Variants in MASP2 observed in about 807,000 individuals in gnomAD.
MASP2 encodes the protein mannan-binding lectin serine protease 2.
MASP2 carries 49 observed loss-of-function variants against 57.1 expected under a neutral mutation model. That is an observed-to-expected ratio of 0.86 (90% confidence interval 0.68 to 1.09). The LOEUF is 1.09. Ranked by LOEUF, MASP2 falls within the 50% of genes least tolerant of loss-of-function variation. The probability of loss-of-function intolerance (pLI) is 0.00; values close to 1 mark genes in which losing one functional copy is unlikely to be tolerated. For missense variants in MASP2, 900 were observed against 874.8 expected, an observed-to-expected ratio of 1.03 and a Z score of -0.36; for synonymous variants, 379 against 340.8, an observed-to-expected ratio of 1.11 and a Z score of -1.24.
At chr1:11,043,096 T>G in intron 5 of MASP2, 74 bp from the exon 6 acceptor site, 1 of 1,517,530 alleles carries the variant, frequency 6.6e-7, no homozygotes, top group Non-Finnish European at 9.0e-7. Flanking sequence ...GTAACCCACC[T>G]CCTCAGCATT....
At chr1:11,032,606 G>A (rs1213957896) in intron 8 of MASP2, among the ~76,000 whole-genome samples, 8 of 121,576 alleles carry the variant, frequency 6.6e-5, no homozygotes, top group Non-Finnish European at 1.1e-4. Context: ...ATGAGACCCC[G>A]TCAAAAAAAA....
At chr1:11,029,250 T>A (rs988951525) in intron 10 of MASP2, among the ~76,000 whole-genome samples, 1 of 152,008 alleles carries the variant, frequency 6.6e-6, no homozygotes, top group Non-Finnish European at 1.5e-5. Flanking sequence ...TCTTTCCGCC[T>A]TGGCCTCCCA....
intron 6 of MASP2, among the ~76,000 whole-genome samples, chr1:11,039,749 T>C (rs145408892): frequency 1.2e-4 from 17 of 147,126 alleles, no homozygotes; most frequent in Non-Finnish European, 2.2e-4. Context: ...GATGGATGGA[T>C]AGATAGAAGG....
chr1:11,031,251 C>T (rs1252741297), intron 8 of MASP2, among the ~76,000 whole-genome samples: 3 of 150,860 alleles, frequency 2.0e-5, no homozygotes, highest in South Asian at 2.1e-4. Flanking sequence ...CGGCCGGGCG[C>T]GATGGCTCAT....
chr1:11,035,233 T>C (rs1484791730), intron 7 of MASP2, among the ~76,000 whole-genome samples: 2 of 152,094 alleles, frequency 1.3e-5, no homozygotes, highest in African/African-American at 2.4e-5. Flanking sequence ...CAAAAACATA[T>C]CAGATCTCAG....
At chr1:11,043,909 C>T (rs143049383) in intron 4 of MASP2, among the ~76,000 whole-genome samples, 213 of 147,642 alleles carry the variant, frequency 1.4e-3, no homozygotes, top group African/African-American at 5.3e-3. Context: ...CAGGCTCTGC[C>T]GGGGCGGGGG....
At chr1:11,045,629 G>C (rs1638615467) in intron 3 of MASP2, 90 bp from the exon 4 acceptor site, 2 of 1,429,280 alleles carry the variant, frequency 1.4e-6, no homozygotes, top group Non-Finnish European at 1.9e-6. Context: ...TGACCTCAGA[G>C]TGGACCTCAG....
chr1:11,034,081 T>C (rs1358417118), intron 8 of MASP2, among the ~76,000 whole-genome samples: 1 of 150,718 alleles, frequency 6.6e-6, no homozygotes, highest in Non-Finnish European at 1.5e-5. Context: ...CTACTAAAAA[T>C]ACAAAAATTA....
intron 7 of MASP2, among the ~76,000 whole-genome samples, chr1:11,036,878 T>A (rs1638257413): frequency 6.6e-6 from 1 of 152,130 alleles, no homozygotes; most frequent in Non-Finnish European, 1.5e-5. Flanking sequence ...TGTCTACTTT[T>A]TTGTGGGCCC....
intron 10 of MASP2, among the ~76,000 whole-genome samples, chr1:11,029,442 G>A (rs979592718): frequency 7.9e-5 from 12 of 151,280 alleles, no homozygotes; most frequent in African/African-American, 2.9e-4. Context: ...TATCTTTGGA[G>A]CCAATTCTGG....
chr1:11,044,946 G>C, intron 4 of MASP2: 1 of 1,609,934 alleles, frequency 6.2e-7, no homozygotes, highest in Non-Finnish European at 8.5e-7. Flanking sequence ...GAGGCTAGAG[G>C]CTCTGCTCTG....
chr1:11,028,466 AC>A (rs1643777142), intron 10 of MASP2, among the ~76,000 whole-genome samples: 2 of 152,130 alleles, frequency 1.3e-5, no homozygotes, highest in African/African-American at 4.8e-5. Flanking sequence ...TGTGGCTAGG[AC>A]CCTGTGGATT....
In MASP2 at chr1:11,026,925, TTAA is replaced by T; in HGVS notation, c.2018_2020del (p.Ile673del). 6.6e-7 allele frequency: 1 copy of T among 1,506,328 alleles called. No homozygotes were observed. The highest frequency in any genetic ancestry group is 8.9e-7 in the Non-Finnish European group (1 of 1,128,728). The allele number at this position is 1,506,328 out of a possible 1,614,324, so 93.3% of individuals were successfully genotyped here. ...TATGTTCTCGATCCAGGGAATATAG[TTAA>T]TAACTTTTGTGTAGACTCCATACTG... On this transcript the variant is annotated inframe_deletion, in exon 11 of 11. Coordinates refer to ENST00000400897, the MANE Select transcript of MASP2 (RefSeq NM_006610.4).
In MASP2 at chr1:11,030,161, A is replaced by G; in HGVS notation, c.1297+15T>C. 1 of 1,591,984 alleles carries G rather than the reference A, an allele frequency of 6.3e-7. No homozygotes were observed. Among genetic ancestry groups the G allele is most frequent in the Non-Finnish European group, 8.6e-7 (1 of 1,161,182 alleles). On this transcript the variant is annotated intron_variant, in intron 10 of 10. Coordinates refer to ENST00000400897, the MANE Select transcript of MASP2 (RefSeq NM_006610.4). ...TCCATCAATTACCAGTCTCTTGTAT[A>G]AATGTATCCATTACCAGGCTCACAG... is the stretch of plus-strand genomic sequence containing the variant.
At chr1:11,040,957 AGATGGATG>A (rs757808259) in intron 6 of MASP2, among the ~76,000 whole-genome samples, 3 of 146,704 alleles carry the variant, frequency 2.0e-5, no homozygotes, top group Non-Finnish European at 3.0e-5. Flanking sequence ...ATAGCTGGAA[AGATGGATG>A]GATGGATGGA....
In MASP2 at chr1:11,026,973, A is replaced by G. The variant is rs1643743935; in HGVS notation, c.1973T>C (p.Met658Thr). The G allele has an allele frequency of 1.3e-6, 2 of 1,566,518 alleles. No individual in the cohort carries two copies. Among genetic ancestry groups the G allele is most frequent in the Non-Finnish European group, 1.7e-6 (2 of 1,159,944 alleles). ...FVGGIVSWGS[M>T]NCGEAGQYGV... Reference sequence around the variant, plus strand: ...ATACTGACCTGCTTCCCCACAATTCATGGAACCCCAGGACACTATTCCTCC... The same window carrying G: ...ATACTGACCTGCTTCCCCACAATTCGTGGAACCCCAGGACACTATTCCTCC... Residue 658 changes from methionine to threonine, a missense_variant, in exon 11 of 11, where the codon ATG (methionine) becomes ACG (threonine). Met to Thr is a moderately conservative substitution (Grantham distance 81, BLOSUM62 -1). Transcript: ENST00000400897.
At chr1:11,030,514 A>G in intron 9 of MASP2, 1 of 575,210 alleles carries the variant, frequency 1.7e-6, no homozygotes, top group Non-Finnish European at 3.0e-6. Context: ...GTTAAATTAA[A>G]CCATTTGGAA....
chr1:11,040,973 GGATGGATA>G (rs1366887129), intron 6 of MASP2, among the ~76,000 whole-genome samples: 7 of 151,338 alleles, frequency 4.6e-5, no homozygotes, highest in African/African-American at 1.7e-4. Context: ...ATGGATGGAT[GGATGGATA>G]GATAGAAGAA....
chr1:11,045,789 G>A lies in MASP2; in HGVS notation c.413-250C>T, dbSNP rs147960003. 6 of 551,496 alleles carry A rather than the reference G, an allele frequency of 1.1e-5. No homozygotes were observed. In the Admixed American group the frequency reaches 1.8e-4, roughly 17 times the overall value. The allele number at this position is 551,496 out of a possible 1,614,324, so 34.2% of individuals were successfully genotyped here. On this transcript the variant is annotated intron_variant, in intron 3 of 10. Transcript: ENST00000400897. ...TGGGAGTTTCAGTGTCCGGCCCGAG[G>A]TCACCCAGCTAATGAGGGGAGTCAA... is the stretch of plus-strand genomic sequence containing the variant.
Sources: gnomAD v4.1 joint callset for allele counts (sites outside exome capture counted in the v4.1 genomes callset) on GRCh38, gnomAD v4.1.1 for gene constraint, MANE v1.5 for transcripts, NCBI Gene and HGNC (gene_info 2026-07-23, HGNC 2026-07-21) for gene names.